Variants in MOSMO observed in about 807,000 individuals in gnomAD.
MOSMO encodes modulator of smoothened, also known as modulator of smoothened protein.
In MOSMO, 5 loss-of-function variants were observed where a neutral mutation model predicts 18.4. That is an observed-to-expected ratio of 0.27 (90% CI 0.14 to 0.57). MOSMO has a LOEUF of 0.57. Among genes scored for constraint, MOSMO ranks in the 20% least tolerant of loss-of-function variants. The probability of loss-of-function intolerance (pLI) is 0.92; values close to 1 mark genes in which losing one functional copy is unlikely to be tolerated. For missense variants in MOSMO, 138 were observed against 211.8 expected, an observed-to-expected ratio of 0.65 and a Z score of 2.16; for synonymous variants, 82 against 82.3, an observed-to-expected ratio of 1.00 and a Z score of 0.02.
In MOSMO at chr16:22,082,789, T is replaced by C. The variant is rs983858905; in HGVS notation, c.*1909T>C. The C allele has an allele frequency of 3.9e-5, 6 of 152,178 alleles. No homozygotes were observed. Among genetic ancestry groups the C allele is most frequent in the East Asian group, 1.9e-4 (1 of 5,196 alleles). 9.4% of individuals were successfully genotyped at this position (152,178 alleles called of 1,614,324 possible). A position where few individuals can be genotyped will look rare whatever the true frequency, so the allele number is the denominator to read the frequency against. ...CCCAGTGTTTGAGCTCACTCAGGAA[T>C]TGGGGAGAGAGATGGACCACCACTG... On this transcript the variant is annotated 3_prime_UTR_variant, in exon 3 of 3. Transcript: ENST00000542527.
intron 1 of MOSMO, among the ~76,000 whole-genome samples, chr16:22,016,196 G>C (rs1328885607): frequency 3.9e-5 from 6 of 152,062 alleles, no homozygotes; most frequent in Non-Finnish European, 8.8e-5. Context: ...TTTTTTATTA[G>C]CTTTATGATT....
intron 1 of MOSMO, among the ~76,000 whole-genome samples, chr16:22,033,171 T>G (rs1467141020): frequency 6.6e-6 from 1 of 152,174 alleles, no homozygotes; most frequent in Non-Finnish European, 1.5e-5. Context: ...TCTGAGTCCC[T>G]TGCATTTCCA....
At chr16:22,070,898 G>A (rs903134332) in intron 1 of MOSMO, among the ~76,000 whole-genome samples, 1 of 152,106 alleles carries the variant, frequency 6.6e-6, no homozygotes, top group Admixed American at 6.5e-5. Context: ...GTACACTGGG[G>A]TCTTTCCCCT....
At chr16:22,031,551 A>G (rs1379578099) in intron 1 of MOSMO, among the ~76,000 whole-genome samples, 2 of 152,210 alleles carry the variant, frequency 1.3e-5, no homozygotes, top group African/African-American at 2.4e-5. Flanking sequence ...CTAAGTAACT[A>G]CTAATCTACT....
At chr16:22,052,652 G>C (rs183974135) in intron 1 of MOSMO, among the ~76,000 whole-genome samples, 1 of 152,224 alleles carries the variant, frequency 6.6e-6, no homozygotes, top group East Asian at 1.9e-4. Context: ...ACACTATACA[G>C]CCATGAAAAA....
At chr16:22,026,926 T>A (rs1350922098) in intron 1 of MOSMO, among the ~76,000 whole-genome samples, 1 of 152,164 alleles carries the variant, frequency 6.6e-6, no homozygotes, top group Admixed American at 6.5e-5. Context: ...CTGTTTTTTT[T>A]AAATTACAGT....
At chr16:22,066,294 T>C (rs1036160288) in intron 1 of MOSMO, among the ~76,000 whole-genome samples, 6 of 152,188 alleles carry the variant, frequency 3.9e-5, no homozygotes, top group Non-Finnish European at 8.8e-5. Context: ...CAGTCAGCAG[T>C]TGTTCAGCAT....
At chr16:22,062,782 A>G (rs1421603900) in intron 1 of MOSMO, among the ~76,000 whole-genome samples, 1 of 152,158 alleles carries the variant, frequency 6.6e-6, no homozygotes, top group Non-Finnish European at 1.5e-5. Flanking sequence ...GCATTTACTG[A>G]GGAAGCTGAG....
intron 1 of MOSMO, among the ~76,000 whole-genome samples, chr16:22,068,829 T>A (rs1439790477): frequency 1.3e-5 from 2 of 152,206 alleles, no homozygotes; most frequent in African/African-American, 4.8e-5. Flanking sequence ...TGAACATTCA[T>A]ATATAAGTTT....
At chr16:22,077,541 T>C (rs990109398) in intron 2 of MOSMO, among the ~76,000 whole-genome samples, 1 of 152,204 alleles carries the variant, frequency 6.6e-6, no homozygotes, top group African/African-American at 2.4e-5. Context: ...TGGGGTTTCC[T>C]ACTAGAGGTA....
At chr16:22,046,506 G>T (rs1337574634) in intron 1 of MOSMO, among the ~76,000 whole-genome samples, 1 of 152,084 alleles carries the variant, frequency 6.6e-6, no homozygotes. Flanking sequence ...TCCTGTACAA[G>T]AATATATGTC....
intron 1 of MOSMO, among the ~76,000 whole-genome samples, chr16:22,070,805 CTGT>C (rs967628304): frequency 1.3e-5 from 2 of 152,116 alleles, no homozygotes; most frequent in Admixed American, 6.5e-5. Context: ...TACCCGTAGG[CTGT>C]TGTTTTGTTT....
chr16:22,059,051 T>C lies in MOSMO; in HGVS notation c.107-16436T>C, dbSNP rs1900593195. 2.6e-5 allele frequency among the ~76,000 whole-genome samples: 4 copies of C among 152,242 alleles called. No individual in the cohort carries two copies. The South Asian group carries it at 6.2e-4, about 24-fold the overall frequency. On this transcript the variant is annotated intron_variant, in intron 1 of 2. Coordinates refer to ENST00000542527, the MANE Select transcript of MOSMO (RefSeq NM_001164579.2). ...GGTTGTTTTAACTGAGACTTTCTGT[T>C]GTGATGTAGTAACCCTCTCTCTCTC... is the stretch of plus-strand genomic sequence containing the variant.
chr16:22,051,359 C>G (rs1383814851), intron 1 of MOSMO, among the ~76,000 whole-genome samples: 1 of 151,676 alleles, frequency 6.6e-6, no homozygotes, highest in East Asian at 1.9e-4. Context: ...GCACTCCAGC[C>G]TGGGCGACAG....
intron 2 of MOSMO, among the ~76,000 whole-genome samples, chr16:22,077,638 T>G (rs1414443791): frequency 6.6e-6 from 1 of 152,166 alleles, no homozygotes; most frequent in Admixed American, 6.5e-5. Context: ...GTATCTTGGT[T>G]TTTAAACGTA....
intron 1 of MOSMO, among the ~76,000 whole-genome samples, chr16:22,028,280 G>C (rs1475067462): frequency 6.6e-6 from 1 of 151,570 alleles, no homozygotes; most frequent in Non-Finnish European, 1.5e-5. Context: ...CAGTGTAGAA[G>C]TTATAATATT....
intron 1 of MOSMO, 103 bp from the exon 2 acceptor site, chr16:22,075,384 C>A (rs767051114): frequency 1.2e-6 from 1 of 805,320 alleles, no homozygotes; most frequent in Admixed American, 2.3e-5. Context: ...GAATGACCCA[C>A]GAAGAGATAA....
intron 1 of MOSMO, among the ~76,000 whole-genome samples, chr16:22,050,310 A>G (rs1459171094): frequency 6.6e-6 from 1 of 152,232 alleles, no homozygotes; most frequent in Non-Finnish European, 1.5e-5. Flanking sequence ...CCAATGTTTT[A>G]GAGATACCTT....
chr16:22,014,701 A>G (rs1899603072), intron 1 of MOSMO, among the ~76,000 whole-genome samples: 1 of 152,208 alleles, frequency 6.6e-6, no homozygotes, highest in Admixed American at 6.5e-5. Context: ...AACAACTTCA[A>G]AGGTCACAAA....
Sources: allele counts gnomAD v4.1 joint callset (sites outside exome capture counted in the v4.1 genomes callset), GRCh38; gene constraint gnomAD v4.1.1; transcripts MANE v1.5; gene names NCBI Gene and HGNC (gene_info 2026-07-23, HGNC 2026-07-21).